Variants in WDR17 observed in about 807,000 individuals in gnomAD.
The protein encoded by WDR17 is WD repeat domain 17, also known as WD repeat-containing protein 17.
WDR17 carries 143 observed loss-of-function variants against 161.7 expected under a neutral mutation model. The observed-to-expected ratio is 0.88, with a 90% CI of 0.77 to 1.02. WDR17 has a LOEUF of 1.02. Among genes scored for constraint, WDR17 ranks in the 50% least tolerant of loss-of-function variants. WDR17 has a pLI of 0.00. For synonymous variants in WDR17, 517 were observed against 515.6 expected, an observed-to-expected ratio of 1.00 and a Z score of -0.04; for missense variants, 1,469 against 1,520.9, an observed-to-expected ratio of 0.97 and a Z score of 0.57.
At chr4:176,124,557 ACTCTGT>A (rs973596211) in intron 4 of WDR17, among the ~76,000 whole-genome samples, 1 of 152,090 alleles carries the variant, frequency 6.6e-6, no homozygotes, top group African/African-American at 2.4e-5. Flanking sequence ...CGGTTTTAAA[ACTCTGT>A]GAGATAAGTA....
intron 27 of WDR17, 131 bp downstream of exon 27, chr4:176,177,287 T>A: frequency 1.0e-6 from 1 of 991,388 alleles, no homozygotes; most frequent in Non-Finnish European, 1.5e-6. Flanking sequence ...ATATATGCAG[T>A]AATAATTTAC....
Position 176,179,440 on chromosome 4 carries a change from C to T in WDR17, c.3733-20C>T. 2.0e-6 allele frequency: 3 copies of T among 1,494,748 alleles called. No homozygotes were observed. The highest frequency in any genetic ancestry group is 1.4e-5 in the African/African-American group (1 of 69,964). The allele number at this position is 1,494,748 out of a possible 1,614,324, so 92.6% of individuals were successfully genotyped here. A position where few individuals can be genotyped will look rare whatever the true frequency, so the allele number is the denominator to read the frequency against. The stretch of plus-strand genomic sequence containing the variant: ...AAATTTATAATCTCATCTTCTCTTT[C>T]CTCAACTCTCACTGTGCAGGGCCCT... On this transcript the variant is annotated intron_variant, in intron 28 of 28. Transcript: ENST00000508596.
chr4:176,168,738 T>C lies in WDR17; in HGVS notation c.3057T>C (p.Ala1019=), dbSNP rs1309883826. 6.2e-7 allele frequency: 1 copy of C among 1,613,298 alleles called. No individual in the cohort carries two copies. Among genetic ancestry groups the C allele is most frequent in the East Asian group, 2.2e-5 (1 of 44,784 alleles). The part of the protein sequence containing the change: ...DNELHLIKLC[A]FYPGCTEEIN... Reference sequence around the variant, plus strand: ...AACTACATTTAATAAAACTCTGTGCTTTCTACCCAGGATGTACTGAAGAGA... The same window carrying C: ...AACTACATTTAATAAAACTCTGTGCCTTCTACCCAGGATGTACTGAAGAGA... Residue 1019 remains alanine (A), a synonymous_variant, in exon 23 of 29, where the codon GCT becomes GCC. Transcript: ENST00000508596.
chr4:176,148,110 C>T (rs1175088931), intron 12 of WDR17, 23 bp from the exon 13 acceptor site: 2 of 1,600,366 alleles, frequency 1.2e-6, no homozygotes, highest in Non-Finnish European at 1.7e-6. Context: ...AATGTTATCA[C>T]ACCCATAATA....
intron 1 of WDR17, among the ~76,000 whole-genome samples, chr4:176,102,931 T>G (rs1370864673): frequency 6.6e-6 from 1 of 152,146 alleles, no homozygotes; most frequent in Admixed American, 6.5e-5. Flanking sequence ...AAGCAGCTTA[T>G]GTGAACCAGG....
At chr4:176,165,674 A>G (rs1423586545) in intron 22 of WDR17, among the ~76,000 whole-genome samples, 1 of 152,224 alleles carries the variant, frequency 6.6e-6, no homozygotes, top group Admixed American at 6.5e-5. Context: ...TTTACTATGC[A>G]TTAAGTGGAA....
At chr4:176,115,094 G>C (rs1740383140) in intron 2 of WDR17, among the ~76,000 whole-genome samples, 1 of 151,958 alleles carries the variant, frequency 6.6e-6, no homozygotes. Context: ...ATATCATAAT[G>C]ATTTTTAAAA....
intron 23 of WDR17, among the ~76,000 whole-genome samples, chr4:176,170,810 TTAA>T (rs1349804497): frequency 1.3e-5 from 2 of 152,206 alleles, no homozygotes; most frequent in Non-Finnish European, 1.5e-5. Flanking sequence ...TGTAAAAGTG[TTAA>T]TAACTGAACA....
chr4:176,113,881 A>G lies in WDR17; in HGVS notation c.124-1915A>G, dbSNP rs139397946. ...TTGTAATGCACTGATATGTTAATGT[A>G]CCCTAAAAGTAGAGTAATTTATGGT... is the stretch of plus-strand genomic sequence containing the variant. On this transcript the variant is annotated intron_variant, in intron 2 of 28. Transcript: ENST00000508596. 5.8e-3 allele frequency among the ~76,000 whole-genome samples: 881 copies of G among 152,160 alleles called. 9 individuals carry two copies. The highest frequency in any genetic ancestry group is 0.02 in the African/African-American group (822 of 41,552).
intron 1 of WDR17, among the ~76,000 whole-genome samples, chr4:176,067,009 A>G (rs1732616730): frequency 6.6e-6 from 1 of 152,184 alleles, no homozygotes; most frequent in African/African-American, 2.4e-5. Context: ...TTTGAACTCC[A>G]CAAGAGTTTA....
chr4:176,091,866 A>C (rs926762506), intron 1 of WDR17, among the ~76,000 whole-genome samples: 3 of 152,112 alleles, frequency 2.0e-5, no homozygotes, highest in Non-Finnish European at 4.4e-5. Context: ...TAGAAAACCT[A>C]AAAGGACACG....
At chr4:176,076,099 T>C (rs1733936288) in intron 1 of WDR17, among the ~76,000 whole-genome samples, 1 of 151,816 alleles carries the variant, frequency 6.6e-6, no homozygotes. Flanking sequence ...CACTTGTACA[T>C]AATATTTTTA....
chr4:176,169,694 T>C (rs1209671109), intron 23 of WDR17, among the ~76,000 whole-genome samples: 1 of 152,170 alleles, frequency 6.6e-6, no homozygotes, highest in Non-Finnish European at 1.5e-5. Context: ...GCAACAGATA[T>C]TTTCTGAGTA....
chr4:176,096,482 C>G (rs776697845), intron 1 of WDR17: 2 of 1,551,524 alleles, frequency 1.3e-6, no homozygotes, highest in Non-Finnish European at 1.8e-6. Flanking sequence ...ATTCTGATGC[C>G]GAGTTTCCAA....
chr4:176,163,251 C>G lies in WDR17; in HGVS notation c.2948C>G (p.Ala983Gly). Reference protein sequence around the residue: ...GESAAPATHYALELLARKCMM... With the variant: ...GESAAPATHYGLELLARKCMM... ...TCTGCAGCACCAGCAACCCACTATG[C>G]CTTAGAATTACTGGCGAGAAAGTGC... Residue 983 changes from alanine (A) to glycine (G), a missense_variant, in exon 22 of 29, where the codon GCC becomes GGC. By Grantham distance (60) the Ala-to-Gly change is moderately conservative. Transcript: ENST00000508596. 1 of 1,612,424 alleles carries G rather than the reference C, an allele frequency of 6.2e-7. No homozygotes were observed. The highest frequency in any genetic ancestry group is 8.5e-7 in the Non-Finnish European group (1 of 1,179,526).
At chr4:176,115,665 A>G in intron 2 of WDR17, 131 bp from the exon 3 acceptor site, 2 of 592,400 alleles carry the variant, frequency 3.4e-6, no homozygotes, top group East Asian at 3.4e-5. Flanking sequence ...GGCTTGAAAT[A>G]TGTTCATATC....
intron 25 of WDR17, 126 bp downstream of exon 25, chr4:176,173,495 A>G: frequency 1.8e-6 from 1 of 568,152 alleles, no homozygotes; most frequent in East Asian, 3.2e-5. Flanking sequence ...TTGTAGAAAT[A>G]TTATATTTTT....
At chr4:176,068,856 A>G (rs1434959834) in intron 1 of WDR17, among the ~76,000 whole-genome samples, 3 of 152,188 alleles carry the variant, frequency 2.0e-5, no homozygotes, top group Admixed American at 6.5e-5. Flanking sequence ...AAATTCTCCC[A>G]AAGAATCTAC....
chr4:176,151,996 A>G, intron 17 of WDR17, 29 bp downstream of exon 17: 1 of 1,591,648 alleles, frequency 6.3e-7, no homozygotes, highest in Non-Finnish European at 8.6e-7. Context: ...AAAACTAATG[A>G]GTTTAACATA....
Sources: allele counts gnomAD v4.1 joint callset (sites outside exome capture counted in the v4.1 genomes callset), GRCh38; gene constraint gnomAD v4.1.1; transcripts MANE v1.5; gene names NCBI Gene and HGNC (gene_info 2026-07-23, HGNC 2026-07-21).